PCTP: variants seen among roughly 807,000 people sequenced by gnomAD.
PCTP encodes the protein phosphatidylcholine transfer protein, also known as START domain-containing protein 2.
Under a neutral mutation model 31.0 loss-of-function variants are expected in PCTP, and 27 were observed. The observed-to-expected ratio is 0.87, with a 90% CI of 0.64 to 1.20. The LOEUF is 1.20. Among genes scored for constraint, PCTP ranks in the 50% most tolerant of loss-of-function variants. The pLI is 0.00. For synonymous variants in PCTP, 108 were observed against 101.2 expected (o/e 1.07, Z -0.40); for missense variants, 287 against 268.2 (o/e 1.07, Z -0.49).
At chr17:55,796,996 G>A (rs1355147849) in intron 3 of PCTP, among the ~76,000 whole-genome samples, 1 of 151,920 alleles carries the variant, frequency 6.6e-6, no homozygotes, top group African/African-American at 2.4e-5. Context: ...TAATATTACT[G>A]AAGGAGAAGT....
intron 1 of PCTP, among the ~76,000 whole-genome samples, chr17:55,756,694 G>A (rs1029886002): frequency 2.1e-5 from 3 of 144,508 alleles, no homozygotes; most frequent in Admixed American, 7.4e-5. Flanking sequence ...TTTTATACAC[G>A]TGTGTGTGTG....
chr17:55,783,325 C>T (rs1297680314), intron 2 of PCTP, among the ~76,000 whole-genome samples: 1 of 152,130 alleles, frequency 6.6e-6, no homozygotes, highest in Non-Finnish European at 1.5e-5. Context: ...GGAGGCAAAA[C>T]AGGGCTAGAA....
intron 3 of PCTP, among the ~76,000 whole-genome samples, chr17:55,791,002 A>C (rs1317172882): frequency 6.6e-6 from 1 of 151,840 alleles, no homozygotes; most frequent in Non-Finnish European, 1.5e-5. Flanking sequence ...ATAACGCCGC[A>C]TATCTACAAC....
At chr17:55,845,926 G>GTGTGTGTGTA (rs1194967384), downstream of PCTP, among the ~76,000 whole-genome samples, 1 of 146,514 alleles carries the variant, frequency 6.8e-6, no homozygotes, top group African/African-American at 2.6e-5. Flanking sequence ...GTGTGTGTGT[G>GTGTGTGTGTA]TATGTGTGTG....
intron 4 of PCTP, 134 bp from the exon 5 acceptor site, chr17:55,774,658 C>A: frequency 1.4e-6 from 1 of 695,098 alleles, no homozygotes; most frequent in Non-Finnish European, 2.5e-6. Flanking sequence ...GGAGAGAAGT[C>A]CATCTGAATT....
intron 1 of PCTP, among the ~76,000 whole-genome samples, chr17:55,756,138 G>T (rs1910003899): frequency 6.6e-6 from 1 of 152,188 alleles, no homozygotes; most frequent in African/African-American, 2.4e-5. Context: ...TTCATCAACT[G>T]CCTCCCATGT....
At position 55,776,456 on chromosome 17, in the gene PCTP, A is replaced by G; in HGVS notation, c.*356A>G. Reference sequence around the variant, plus strand: ...GGGAACACGATCATTCCATTGTGCAATTTTACGGGGATGGGTGGGCGGAGG... The same window carrying G: ...GGGAACACGATCATTCCATTGTGCAGTTTTACGGGGATGGGTGGGCGGAGG... On this transcript the variant is annotated 3_prime_UTR_variant, in exon 6 of 6. Transcript: ENST00000268896. The G allele has an allele frequency of 2.4e-6, 3 of 1,232,238 alleles. No homozygotes were observed. Among genetic ancestry groups the G allele is most frequent in the Non-Finnish European group, 2.0e-6 (2 of 988,362 alleles). 76.3% of individuals were successfully genotyped at this position (1,232,238 alleles called of 1,614,324 possible).
At chr17:55,810,320 C>G (rs1417583445) in intron 3 of PCTP, among the ~76,000 whole-genome samples, 1 of 152,164 alleles carries the variant, frequency 6.6e-6, no homozygotes, top group Non-Finnish European at 1.5e-5. Flanking sequence ...CCTGGCCGAG[C>G]AAAGTCAATG....
chr17:55,751,390 A>G, intron 1 of PCTP, 146 bp downstream of exon 1: 1 of 1,533,624 alleles, frequency 6.5e-7, no homozygotes, highest in Non-Finnish European at 8.7e-7. Flanking sequence ...CCCTGTCTCA[A>G]GCTCTGGAGC....
At chr17:55,821,879 A>T (rs1913126946) in intron 3 of PCTP, among the ~76,000 whole-genome samples, 1 of 152,160 alleles carries the variant, frequency 6.6e-6, no homozygotes, top group African/African-American at 2.4e-5. Flanking sequence ...AAATTAGTGA[A>T]ATCTCTGCCT....
intron 2 of PCTP, among the ~76,000 whole-genome samples, chr17:55,785,814 T>A (rs1911727687): frequency 6.6e-6 from 1 of 152,246 alleles, no homozygotes; most frequent in African/African-American, 2.4e-5. Flanking sequence ...TGACAAATAT[T>A]GATTATAGGG....
At chr17:55,790,126 A>C (rs534233107) in intron 3 of PCTP, among the ~76,000 whole-genome samples, 2 of 152,334 alleles carry the variant, frequency 1.3e-5, no homozygotes, top group Non-Finnish European at 2.9e-5. Context: ...AAAACTCTCA[A>C]TAAATTAGGT....
intron 5 of PCTP, among the ~76,000 whole-genome samples, chr17:55,834,776 A>G (rs1378350940): frequency 6.6e-6 from 1 of 152,030 alleles, no homozygotes; most frequent in Non-Finnish European, 1.5e-5. Flanking sequence ...GAAAAAGAGG[A>G]GGGGGGCAGA....
chr17:55,751,885 C>G (rs956280460), intron 1 of PCTP, among the ~76,000 whole-genome samples: 1 of 152,180 alleles, frequency 6.6e-6, no homozygotes, highest in Non-Finnish European at 1.5e-5. Flanking sequence ...AAGGCATTGC[C>G]CCTGAGGCCT....
At chr17:55,753,381 T>C (rs1909817681) in intron 1 of PCTP, among the ~76,000 whole-genome samples, 1 of 152,228 alleles carries the variant, frequency 6.6e-6, no homozygotes, top group South Asian at 2.1e-4. Flanking sequence ...ATCACTGTAA[T>C]AGCTAACATT....
chr17:55,828,450 G>A (rs76043300), intron 5 of PCTP, among the ~76,000 whole-genome samples: 2,875 of 152,252 alleles, frequency 0.019, 95 homozygotes, highest in African/African-American at 0.066. Context: ...TAATATGGCT[G>A]TCTTCCCCCT....
chr17:55,845,887 G>GGGGGGT (rs1555572496), downstream of PCTP, among the ~76,000 whole-genome samples: 2 of 142,962 alleles, frequency 1.4e-5, no homozygotes, highest in African/African-American at 5.3e-5. Flanking sequence ...AGAGGGTTGG[G>GGGGGGT]GTGTGTGTGT....
chr17:55,843,285 A>G (rs938931597), downstream of PCTP, among the ~76,000 whole-genome samples: 1 of 152,140 alleles, frequency 6.6e-6, no homozygotes, highest in Non-Finnish European at 1.5e-5. Flanking sequence ...TTTTCTGATT[A>G]TGTTTAAGGA....
rs1438364306 is a variant in PCTP at position 55,776,551 on chromosome 17, T to G, written c.*451T>G. 1 of 1,231,932 alleles carries G rather than the reference T, an allele frequency of 8.1e-7. No individual in the cohort carries two copies. The highest frequency in any genetic ancestry group is 1.0e-6 in the Non-Finnish European group (1 of 988,338). The allele number at this position is 1,231,932 out of a possible 1,614,324, so 76.3% of individuals were successfully genotyped here. A position where few individuals can be genotyped will look rare whatever the true frequency, so the allele number is the denominator to read the frequency against. On this transcript the variant is annotated 3_prime_UTR_variant, in exon 6 of 6. Coordinates refer to ENST00000268896, the MANE Select transcript of PCTP (RefSeq NM_021213.4). ...TTTGCAGCTTGTGATTTCTTCCAGCTTGGGAGGGGCTGCTGGAAGTGGCAT... is the reference window on the plus strand; with the variant it reads ...TTTGCAGCTTGTGATTTCTTCCAGCGTGGGAGGGGCTGCTGGAAGTGGCAT...
Sources: gnomAD v4.1 joint callset for allele counts (sites outside exome capture counted in the v4.1 genomes callset) on GRCh38, gnomAD v4.1.1 for gene constraint, MANE v1.5 for transcripts, NCBI Gene and HGNC (gene_info 2026-07-23, HGNC 2026-07-21) for gene names.